The following SORCS1 variants were observed in gnomAD, a reference collection of about 807,000 sequenced individuals.
SORCS1 encodes the protein sortilin related VPS10 domain containing receptor 1, also known as VPS10 domain-containing receptor SorCS1.
SORCS1 carries 60 observed loss-of-function variants against 146.1 expected under a neutral mutation model. The observed-to-expected ratio is 0.41, with a 90% CI of 0.33 to 0.51. The LOEUF is 0.51. Among genes scored for constraint, SORCS1 ranks in the 20% least tolerant of loss-of-function variants. The pLI, the probability that SORCS1 is intolerant of heterozygous loss-of-function variation, is 0.21. For synonymous variants in SORCS1, 637 were observed against 584.0 expected (o/e 1.09, Z -1.31); for missense variants, 1,352 against 1,487.6 (o/e 0.91, Z 1.50).
chr10:106,869,595 A>C (rs182726045), intron 2 of SORCS1, among the ~76,000 whole-genome samples: 1 of 152,354 alleles, frequency 6.6e-6, no homozygotes, highest in East Asian at 1.9e-4. Context: ...CAAAAACCAC[A>C]GGATTATCTC....
chr10:107,113,683 C>T (rs2134473522), intron 1 of SORCS1, among the ~76,000 whole-genome samples: 1 of 141,756 alleles, frequency 7.1e-6, no homozygotes, highest in African/African-American at 2.6e-5. Flanking sequence ...GGGCAAGACT[C>T]CATCTCAAAA....
intron 1 of SORCS1, among the ~76,000 whole-genome samples, chr10:107,026,379 G>C (rs897836282): frequency 1.1e-4 from 16 of 152,202 alleles, no homozygotes; most frequent in African/African-American, 3.9e-4. Context: ...TAGTACTTTG[G>C]GAGGCTGAGG....
intron 9 of SORCS1, among the ~76,000 whole-genome samples, chr10:106,698,427 T>C (rs987049080): frequency 2.0e-5 from 3 of 152,230 alleles, no homozygotes; most frequent in African/African-American, 7.2e-5. Context: ...TGTTTTCAAA[T>C]GGCTTATTAT....
intron 4 of SORCS1, among the ~76,000 whole-genome samples, chr10:106,762,066 CT>C (rs2136256265): frequency 6.6e-6 from 1 of 152,304 alleles, no homozygotes; most frequent in East Asian, 1.9e-4. Context: ...GCAATGTAAC[CT>C]GAACCTGGCT....
At chr10:107,106,908 C>T (rs35519467) in intron 1 of SORCS1, among the ~76,000 whole-genome samples, 32,928 of 152,066 alleles carry the variant, frequency 0.22, 4,507 homozygotes, top group Middle Eastern at 0.31. Context: ...TGGCCATTTA[C>T]GTACAAGGAA....
intron 12 of SORCS1, 29 bp downstream of exon 12, chr10:106,679,227 C>T (rs1383169459): frequency 6.3e-7 from 1 of 1,577,760 alleles, no homozygotes; most frequent in African/African-American, 1.4e-5. Flanking sequence ...ACTTAAACTT[C>T]AGCGATTTGA....
chr10:107,053,129 A>T (rs1351219661), intron 1 of SORCS1, among the ~76,000 whole-genome samples: 7 of 152,130 alleles, frequency 4.6e-5, no homozygotes, highest in Non-Finnish European at 1.0e-4. Flanking sequence ...GCTTATAGCC[A>T]CTCAATTATT....
chr10:106,591,474 AAAC>A, intron 24 of SORCS1, among the ~76,000 whole-genome samples: 1 of 152,256 alleles, frequency 6.6e-6, no homozygotes, highest in South Asian at 2.1e-4. Context: ...ACAAATGAAT[AAAC>A]TGAATAAACT....
chr10:106,867,482 A>G (rs1027163381), intron 2 of SORCS1, among the ~76,000 whole-genome samples: 10 of 151,884 alleles, frequency 6.6e-5, no homozygotes, highest in Non-Finnish European at 2.9e-5. Flanking sequence ...GATGGGTTTC[A>G]CCGTGTTAGC....
intron 17 of SORCS1, among the ~76,000 whole-genome samples, chr10:106,659,268 T>A (rs1465744242): frequency 6.6e-6 from 1 of 152,224 alleles, no homozygotes; most frequent in Non-Finnish European, 1.5e-5. Flanking sequence ...GAAGAAAGCT[T>A]CTCTTGCATT....
chr10:106,727,847 G>C (rs371978429), intron 6 of SORCS1, among the ~76,000 whole-genome samples: 230 of 152,200 alleles, frequency 1.5e-3, no homozygotes, highest in African/African-American at 5.0e-3. Flanking sequence ...ATGTACCAAG[G>C]CTTTATGGCA....
At chr10:107,031,933 A>G (rs184149787) in intron 1 of SORCS1, among the ~76,000 whole-genome samples, 1 of 152,198 alleles carries the variant, frequency 6.6e-6, no homozygotes, top group Non-Finnish European at 1.5e-5. Flanking sequence ...AATCTGGACT[A>G]ACACTGACAT....
rs534462056 is a variant in SORCS1, at chr10:106,969,070, C to A, written c.559-12490G>T. 5.9e-5 allele frequency among the ~76,000 whole-genome samples: 9 copies of A among 152,236 alleles called. No homozygotes were observed. In the South Asian group the frequency reaches 1.7e-3, roughly 28 times the overall value. On this transcript the variant is annotated intron_variant, in intron 1 of 25. Transcript: ENST00000263054. ...TGGCTTGAAACTAAAATTTAGGTAA[C>A]ATCTTAAAATTCCAAGTAAAATGTA...
chr10:106,799,122 A>C (rs1946738451), intron 3 of SORCS1, among the ~76,000 whole-genome samples: 1 of 152,222 alleles, frequency 6.6e-6, no homozygotes, highest in Non-Finnish European at 1.5e-5. Flanking sequence ...AAAAACAAGA[A>C]ATGGGGAAAG....
intron 2 of SORCS1, among the ~76,000 whole-genome samples, chr10:106,914,008 T>C (rs1203407414): frequency 6.6e-6 from 1 of 152,182 alleles, no homozygotes; most frequent in Non-Finnish European, 1.5e-5. Flanking sequence ...ATCCAGCCAG[T>C]GGGAAGATGG....
chr10:106,912,834 A>T (rs1952230289), intron 2 of SORCS1, among the ~76,000 whole-genome samples: 1 of 151,876 alleles, frequency 6.6e-6, no homozygotes, highest in South Asian at 2.1e-4. Flanking sequence ...GCACACCACC[A>T]TGCCCGGCTA....
intron 1 of SORCS1, among the ~76,000 whole-genome samples, chr10:107,084,339 G>A (rs538453964): frequency 5.7e-4 from 86 of 149,896 alleles, no homozygotes; most frequent in Middle Eastern, 3.4e-3. Context: ...TGCTGACCTC[G>A]TGATCCGCCC....
rs549802658 is a variant in SORCS1 at position 106,668,138 on chromosome 10, G to A, written c.2190-336C>T. ...CCAGAGAAAGCTGTAATGAGAAAAC[G>A]GGTGTGGTGGAACTCAACCCTTGGT... On this transcript the variant is annotated intron_variant, in intron 16 of 25. Transcript: ENST00000263054. 6.1e-4 allele frequency among the ~76,000 whole-genome samples: 93 copies of A among 152,226 alleles called. 1 individual carries two copies. The highest frequency in any genetic ancestry group is 3.5e-3 in the Admixed American group (53 of 15,294).
At chr10:107,117,454 A>G (rs1353505597) in intron 1 of SORCS1, among the ~76,000 whole-genome samples, 3 of 152,180 alleles carry the variant, frequency 2.0e-5, no homozygotes, top group African/African-American at 7.2e-5. Flanking sequence ...GCCTCTTCTC[A>G]AAGCTGTGAG....
Sources: gnomAD v4.1 joint callset for allele counts (sites outside exome capture counted in the v4.1 genomes callset) on GRCh38, gnomAD v4.1.1 for gene constraint, MANE v1.5 for transcripts, NCBI Gene and HGNC (gene_info 2026-07-23, HGNC 2026-07-21) for gene names.